Variants in AKAP6 observed in about 807,000 individuals in gnomAD.
AKAP6 encodes A-kinase anchor protein 6.
In AKAP6, 58 loss-of-function variants were observed where a neutral mutation model predicts 188.5. The ratio of observed to expected loss-of-function variants is 0.31; its 90% CI spans 0.25 to 0.38. The LOEUF is 0.38. AKAP6 is among the 10% of genes least tolerant of loss of function. The pLI, the probability that AKAP6 is intolerant of heterozygous loss-of-function variation, is 1.00. For synonymous variants in AKAP6, 989 were observed against 998.6 expected (o/e 0.99, Z 0.18); for missense variants, 2,710 against 2,740.0 (o/e 0.99, Z 0.24).
At chr14:32,391,596 A>T (rs951190273) in intron 1 of AKAP6, among the ~76,000 whole-genome samples, 1 of 152,196 alleles carries the variant, frequency 6.6e-6, no homozygotes, top group Non-Finnish European at 1.5e-5. Flanking sequence ...GCGGTTTCTC[A>T]TGGTTAACAC....
intron 12 of AKAP6, among the ~76,000 whole-genome samples, chr14:32,810,051 A>G (rs1474356301): frequency 6.6e-6 from 1 of 152,204 alleles, no homozygotes; most frequent in Non-Finnish European, 1.5e-5. Context: ...CAGTGCCTGG[A>G]GAAATAAATT....
intron 5 of AKAP6, among the ~76,000 whole-genome samples, chr14:32,583,922 C>T (rs565038740): frequency 1.6e-4 from 25 of 152,360 alleles, no homozygotes; most frequent in East Asian, 9.7e-4. Context: ...TGACCCCTCA[C>T]GATTCCCGAG....
chr14:32,454,827 C>G lies in AKAP6; in HGVS notation c.324+21010C>G. 4.9e-5 allele frequency among the ~76,000 whole-genome samples: 2 copies of G among 40,838 alleles called. 1 individual carries two copies. The highest frequency in any genetic ancestry group is 2.5e-4 in the African/African-American group (2 of 8,066). The allele number at this position is 40,838 out of a possible 152,430, so 26.8% of individuals were successfully genotyped here. On this transcript the variant is annotated intron_variant, in intron 2 of 13. Coordinates refer to ENST00000280979, the MANE Select transcript of AKAP6 (RefSeq NM_004274.5). The stretch of plus-strand genomic sequence containing the variant: ...TCCCTCCCTCCCTCCCTCCTTCCCT[C>G]CTTCTCTCCTTCCCTCCCTCCCTCC...
intron 2 of AKAP6, among the ~76,000 whole-genome samples, chr14:32,469,723 TTTA>T (rs201423161): frequency 0.065 from 4,693 of 71,786 alleles, 249 homozygotes; most frequent in African/African-American, 0.32. Flanking sequence ...ATTTTTTTTT[TTTA>T]TTATTATACT....
intron 11 of AKAP6, among the ~76,000 whole-genome samples, chr14:32,754,612 T>A (rs2032263916): frequency 6.6e-6 from 1 of 152,210 alleles, no homozygotes; most frequent in East Asian, 1.9e-4. Flanking sequence ...TACTTTCATG[T>A]GTTTTCATGT....
At chr14:32,795,252 T>G (rs1359176321) in intron 12 of AKAP6, among the ~76,000 whole-genome samples, 4 of 151,968 alleles carry the variant, frequency 2.6e-5, no homozygotes, top group Non-Finnish European at 5.9e-5. Flanking sequence ...CCAAAAAAAT[T>G]GAAAAAGAGG....
At chr14:32,499,273 G>A (rs1880481878) in intron 2 of AKAP6, among the ~76,000 whole-genome samples, 1 of 140,854 alleles carries the variant, frequency 7.1e-6, no homozygotes, top group Non-Finnish European at 1.5e-5. Context: ...CTTTTATCAA[G>A]CTATATTTCA....
chr14:32,783,344 A>G (rs2033308704), intron 12 of AKAP6, among the ~76,000 whole-genome samples: 1 of 152,168 alleles, frequency 6.6e-6, no homozygotes, highest in East Asian at 1.9e-4. Context: ...GCAATAATAA[A>G]GGGTAACGAG....
chr14:32,585,733 G>C (rs770486881), intron 5 of AKAP6, among the ~76,000 whole-genome samples: 1 of 152,086 alleles, frequency 6.6e-6, no homozygotes, highest in Admixed American at 6.6e-5. Context: ...AAATTTTATT[G>C]GTTCTTTCTG....
In AKAP6 at chr14:32,504,305, G is replaced by A. The variant is rs114578543; in HGVS notation, c.325-31249G>A. Among the ~76,000 whole-genome samples, 1,440 of 152,082 alleles carry A rather than the reference G, an allele frequency of 9.5e-3. 29 individuals are homozygous for A. Among genetic ancestry groups the A allele is most frequent in the African/African-American group, 0.032 (1,338 of 41,464 alleles). ...TTTGTTTTGTTTGTTTTTTGATATAGGGTCTTGCCCTGTTGTCCAGGCTTG... is the reference window on the plus strand; with the variant it reads ...TTTGTTTTGTTTGTTTTTTGATATAAGGTCTTGCCCTGTTGTCCAGGCTTG... On this transcript the variant is annotated intron_variant, in intron 2 of 13. Transcript: ENST00000280979.
At chr14:32,341,397 T>C (rs1886885107) in intron 1 of AKAP6, among the ~76,000 whole-genome samples, 1 of 152,186 alleles carries the variant, frequency 6.6e-6, no homozygotes, top group Admixed American at 6.6e-5. Flanking sequence ...AATGGCCAAA[T>C]ATTAACAGTT....
At chr14:32,519,817 A>G (rs1256668923) in intron 2 of AKAP6, among the ~76,000 whole-genome samples, 1 of 152,190 alleles carries the variant, frequency 6.6e-6, no homozygotes, top group East Asian at 1.9e-4. Context: ...GATATCCAGG[A>G]ATTCAACTCA....
At chr14:32,521,653 G>A (rs1881840123) in intron 2 of AKAP6, among the ~76,000 whole-genome samples, 2 of 152,122 alleles carry the variant, frequency 1.3e-5, no homozygotes, top group Admixed American at 6.5e-5. Flanking sequence ...CCTCTTCAAG[G>A]AGAACTACAA....
At chr14:32,734,349 T>C (rs2031318568) in intron 10 of AKAP6, 1 of 152,144 alleles carries the variant, frequency 6.6e-6, no homozygotes, top group Non-Finnish European at 1.5e-5. Context: ...GAATGAAATG[T>C]CAGTGGTGCG....
chr14:32,828,519 TCTCTCTCTCTCACACACACACACACA>T (rs1257712450), intron 13 of AKAP6, among the ~76,000 whole-genome samples: 1 of 34,192 alleles, frequency 2.9e-5, no homozygotes, highest in African/African-American at 6.0e-5. Context: ...TCTCTCTCTC[TCTCTCTCTCTCACACACACACACACA>T]CACACACACA....
Position 32,546,492 on chromosome 14 carries a change from C to G in AKAP6, c.1839C>G (p.His613Gln). The change falls in exon 4 of 14, where the codon CAC (histidine) becomes CAG (glutamine). Residue 613 changes from histidine to glutamine, a missense_variant. His to Gln is a conservative substitution (Grantham distance 24). Transcript: ENST00000280979. Reference protein sequence around the residue: ...SKKGQASSPSHVTRNGEVVEA... With the variant: ...SKKGQASSPSQVTRNGEVVEA... ...AAGGTCAAGCCTCCTCTCCAAGTCACGTCACTAGGAATGGTGAGGTTGTGG... is the reference window on the plus strand; with the variant it reads ...AAGGTCAAGCCTCCTCTCCAAGTCAGGTCACTAGGAATGGTGAGGTTGTGG... The G allele has an allele frequency of 6.2e-7, 1 of 1,614,140 alleles. No individual in the cohort carries two copies. Among genetic ancestry groups the G allele is most frequent in the Non-Finnish European group, 8.5e-7 (1 of 1,180,014 alleles).
intron 12 of AKAP6, among the ~76,000 whole-genome samples, chr14:32,810,457 T>G (rs1469649143): frequency 1.3e-5 from 2 of 152,178 alleles, no homozygotes; most frequent in East Asian, 1.9e-4. Flanking sequence ...TTAAATTTAA[T>G]TGGATCTCAG....
intron 1 of AKAP6, among the ~76,000 whole-genome samples, chr14:32,355,219 A>C (rs1887438799): frequency 6.6e-6 from 1 of 151,792 alleles, no homozygotes; most frequent in Non-Finnish European, 1.5e-5. Flanking sequence ...TTAAAGGGAA[A>C]CATTTCAATA....
At chr14:32,445,401 C>A (rs1316591385) in intron 2 of AKAP6, among the ~76,000 whole-genome samples, 1 of 152,040 alleles carries the variant, frequency 6.6e-6, no homozygotes, top group Non-Finnish European at 1.5e-5. Context: ...GAGATGGAGT[C>A]TCACTCTGTT....
Sources: gnomAD v4.1 joint callset for allele counts (sites outside exome capture counted in the v4.1 genomes callset) on GRCh38, gnomAD v4.1.1 for gene constraint, MANE v1.5 for transcripts, NCBI Gene and HGNC (gene_info 2026-07-23, HGNC 2026-07-21) for gene names.